The following CALN1 variants were observed in gnomAD, a reference collection of about 807,000 sequenced individuals.
The protein encoded by CALN1 is calneuron 1.
CALN1 carries 17 observed loss-of-function variants against 30.6 expected under a neutral mutation model. That is an observed-to-expected ratio of 0.56 (90% CI 0.38 to 0.83). The LOEUF is 0.83. Among genes scored for constraint, CALN1 ranks in the 40% least tolerant of loss-of-function variants. The pLI, the probability that CALN1 is intolerant of heterozygous loss-of-function variation, is 0.00. For missense variants in CALN1, 291 were observed against 354.9 expected, an observed-to-expected ratio of 0.82 and a Z score of 1.45; for synonymous variants, 156 against 131.4, an observed-to-expected ratio of 1.19 and a Z score of -1.28.
At chr7:72,419,643 C>T (rs1292678996) in intron 1 of CALN1, among the ~76,000 whole-genome samples, 2 of 152,140 alleles carry the variant, frequency 1.3e-5, no homozygotes, top group African/African-American at 4.8e-5. Flanking sequence ...AAACAGCTGG[C>T]CCAATTTTTC....
At chr7:72,109,022 C>T (rs1256269453) in intron 3 of CALN1, among the ~76,000 whole-genome samples, 2 of 152,190 alleles carry the variant, frequency 1.3e-5, no homozygotes, top group Non-Finnish European at 2.9e-5. Context: ...AGAAATACTA[C>T]CATTGGCTTC....
At chr7:71,862,987 G>C (rs916931444) in intron 5 of CALN1, among the ~76,000 whole-genome samples, 8 of 152,146 alleles carry the variant, frequency 5.3e-5, no homozygotes, top group Admixed American at 2.0e-4. Flanking sequence ...GGCTGGGCGT[G>C]GTGGCTCACG....
At chr7:71,964,711 C>T (rs1797445729) in intron 5 of CALN1, among the ~76,000 whole-genome samples, 1 of 151,432 alleles carries the variant, frequency 6.6e-6, no homozygotes, top group Non-Finnish European at 1.5e-5. Flanking sequence ...CCCTTTATTT[C>T]ATTCCAAAGT....
In CALN1 at chr7:71,783,181, G is replaced by C. The variant is rs1792807833; in HGVS notation, c.*4594C>G. 6.6e-6 allele frequency: 1 copy of C among 152,166 alleles called. No individual in the cohort carries two copies. Among genetic ancestry groups the C allele is most frequent in the Non-Finnish European group, 1.5e-5 (1 of 68,050 alleles). The allele number at this position is 152,166 out of a possible 1,614,324, so 9.4% of individuals were successfully genotyped here. A position where few individuals can be genotyped will look rare whatever the true frequency, so the allele number is the denominator to read the frequency against. On this transcript the variant is annotated 3_prime_UTR_variant, in exon 7 of 7. Coordinates refer to ENST00000395275, the MANE Select transcript of CALN1 (RefSeq NM_031468.4). ...TTAGCTCCATGGGGATCACTGAAGA[G>C]GCCAATGAGAATGTTCTGATTTGAG...
chr7:72,366,829 C>CAA (rs35788493), intron 2 of CALN1, among the ~76,000 whole-genome samples: 98 of 149,982 alleles, frequency 6.5e-4, no homozygotes, highest in African/African-American at 1.4e-3. Context: ...ATATAACCAA[C>CAA]AAAAAAAAAG....
At chr7:71,942,056 G>C (rs1030022261) in intron 5 of CALN1, among the ~76,000 whole-genome samples, 4 of 152,066 alleles carry the variant, frequency 2.6e-5, no homozygotes, top group Non-Finnish European at 5.9e-5. Flanking sequence ...AAAAGTAGCC[G>C]GGCGTGGTGG....
chr7:71,898,016 G>GAGA (rs1562882209), intron 5 of CALN1, among the ~76,000 whole-genome samples: 8 of 77,604 alleles, frequency 1.0e-4, no homozygotes, highest in African/African-American at 4.7e-4. Flanking sequence ...AGGGAGGGGG[G>GAGA]GGGAGAGAGA....
chr7:72,178,960 A>G (rs1204552515), intron 3 of CALN1, among the ~76,000 whole-genome samples: 2 of 152,166 alleles, frequency 1.3e-5, no homozygotes, highest in Non-Finnish European at 2.9e-5. Flanking sequence ...CTTACTTTAA[A>G]AGGCTAACCC....
chr7:72,397,914 A>T (rs1362708831), intron 2 of CALN1, among the ~76,000 whole-genome samples: 6 of 152,132 alleles, frequency 3.9e-5, no homozygotes, highest in African/African-American at 1.4e-4. Flanking sequence ...CCACTGCTGC[A>T]TCCTGCTAGC....
intron 4 of CALN1, among the ~76,000 whole-genome samples, chr7:72,030,747 ATTTT>A (rs760388648): frequency 1.4e-5 from 2 of 146,378 alleles, no homozygotes; most frequent in Admixed American, 1.4e-4. Flanking sequence ...TACCCACACA[ATTTT>A]TTTTTTTTTC....
rs141844119 is a variant in CALN1 at position 72,271,522 on chromosome 7, G to A, written c.244+7164C>T. On this transcript the variant is annotated intron_variant, in intron 3 of 6. Transcript: ENST00000395275. ...AGCAATCCTCCCTCCTCGGCCTCAT[G>A]AGTAGTTAGGATTATAAGCATGAAC... Among the ~76,000 whole-genome samples the A allele has an allele frequency of 5.4e-4, 72 of 132,628 alleles. 1 individual carries two copies. The East Asian group carries it at 0.013, about 25-fold the overall frequency. 87.0% of individuals were successfully genotyped at this position (132,628 alleles called of 152,430 possible). A position where few individuals can be genotyped will look rare whatever the true frequency, so the allele number is the denominator to read the frequency against.
At chr7:72,068,574 A>T (rs551985479) in intron 4 of CALN1, among the ~76,000 whole-genome samples, 2 of 152,248 alleles carry the variant, frequency 1.3e-5, no homozygotes, top group South Asian at 4.2e-4. Context: ...TGCAACCTCC[A>T]CTTCATGGGT....
At chr7:71,910,880 A>T (rs1258344176) in intron 5 of CALN1, among the ~76,000 whole-genome samples, 1 of 152,062 alleles carries the variant, frequency 6.6e-6, no homozygotes, top group Non-Finnish European at 1.5e-5. Context: ...AGTTTCTGTT[A>T]TTTGTGCCAA....
intron 3 of CALN1, among the ~76,000 whole-genome samples, chr7:72,246,525 A>C (rs1488778946): frequency 6.6e-6 from 1 of 152,132 alleles, no homozygotes; most frequent in Admixed American, 6.5e-5. Context: ...CCGTGATCAA[A>C]ACTCATCCAA....
intron 1 of CALN1, among the ~76,000 whole-genome samples, chr7:72,434,360 A>AC (rs1808078072): frequency 6.6e-6 from 1 of 151,126 alleles, no homozygotes; most frequent in East Asian, 1.9e-4. Flanking sequence ...AAAAAAAAAA[A>AC]AACAAAAAAA....
chr7:71,953,239 T>C (rs1796786094), intron 5 of CALN1, among the ~76,000 whole-genome samples: 1 of 152,196 alleles, frequency 6.6e-6, no homozygotes, highest in Non-Finnish European at 1.5e-5. Flanking sequence ...ACTACGGGCA[T>C]GAGCCACCAC....
chr7:72,264,723 G>A (rs1042669944), intron 3 of CALN1, among the ~76,000 whole-genome samples: 7 of 152,150 alleles, frequency 4.6e-5, no homozygotes, highest in Non-Finnish European at 7.3e-5. Flanking sequence ...GTGCAGATTT[G>A]TTCCATAGGT....
intron 1 of CALN1, among the ~76,000 whole-genome samples, chr7:72,420,943 G>A (rs915970403): frequency 4.6e-5 from 7 of 151,874 alleles, no homozygotes; most frequent in South Asian, 4.2e-4. Context: ...CATCTGCAAG[G>A]GCCTTTTTCA....
chr7:72,484,213 T>C, the CALN1 span, among the ~76,000 whole-genome samples: 2 of 152,214 alleles, frequency 1.3e-5, no homozygotes, highest in Non-Finnish European at 2.9e-5. Context: ...TGAGTTCATA[T>C]TGTGAATTTT....
Sources: allele counts gnomAD v4.1 joint callset (sites outside exome capture counted in the v4.1 genomes callset), GRCh38; gene constraint gnomAD v4.1.1; transcripts MANE v1.5; gene names NCBI Gene and HGNC (gene_info 2026-07-23, HGNC 2026-07-21).